SUN3: variants seen among roughly 807,000 people sequenced by gnomAD.
SUN3 encodes the protein Sad1 and UNC84 domain containing 3.
A neutral mutation model predicts 48.2 loss-of-function variants in SUN3; 36 were observed. That is an observed-to-expected ratio of 0.75 (90% CI 0.57 to 0.99). The LOEUF (loss-of-function observed/expected upper bound fraction) is 0.99. SUN3 is among the 50% of genes least tolerant of loss of function. The pLI is 0.00. For synonymous variants in SUN3, 148 were observed against 147.9 expected, an observed-to-expected ratio of 1.00 and a Z score of 0.00; for missense variants, 419 against 433.1, an observed-to-expected ratio of 0.97 and a Z score of 0.29.
At chr7:48,021,440 A>C (rs1789993129) in intron 2 of SUN3, among the ~76,000 whole-genome samples, 1 of 152,164 alleles carries the variant, frequency 6.6e-6, no homozygotes, top group Non-Finnish European at 1.5e-5. Flanking sequence ...TTCTGACAGC[A>C]AAGGATACAA....
chr7:48,007,498 T>TA (rs999105848), intron 4 of SUN3, among the ~76,000 whole-genome samples, 171 bp from the exon 5 acceptor site: 26 of 147,686 alleles, frequency 1.8e-4, no homozygotes, highest in South Asian at 2.1e-4. Flanking sequence ...CACGCTTCAC[T>TA]AAAAAAAAAA....
chr7:48,031,357 G>A (rs997233654), upstream of SUN3, among the ~76,000 whole-genome samples: 6 of 152,122 alleles, frequency 3.9e-5, no homozygotes, highest in African/African-American at 1.4e-4. Flanking sequence ...TGTTAGGATG[G>A]CTATTATAAA....
At chr7:48,023,287 A>C (rs1285737385) in intron 2 of SUN3, among the ~76,000 whole-genome samples, 2 of 152,176 alleles carry the variant, frequency 1.3e-5, no homozygotes, top group African/African-American at 2.4e-5. Context: ...AGGAGGAAAA[A>C]AAAGAGGAGC....
Position 47,988,803 on chromosome 7 carries a change from T to C in SUN3, c.939A>G (p.Gln313=). ...FIYNKTGTTV[Q]TFELQHAVSE... is the part of the protein sequence containing the mutation. The stretch of plus-strand genomic sequence containing the variant: ...CATACATTACCTGGAGTTCAAATGT[T>C]TGAACGGTGGTTCCTGTTTTGTTAT... Residue 313 remains glutamine, a synonymous_variant, in exon 9 of 10, where the codon CAA becomes CAG. Coordinates refer to ENST00000297325, the MANE Select transcript of SUN3 (RefSeq NM_001030019.2). 6.2e-7 allele frequency: 1 copy of C among 1,605,788 alleles called. No individual in the cohort carries two copies. Among genetic ancestry groups the C allele is most frequent in the Non-Finnish European group, 8.5e-7 (1 of 1,175,052 alleles).
At position 48,009,049 on chromosome 7, in the gene SUN3, T is replaced by C. The variant is rs144375175; in HGVS notation, c.315A>G (p.Gln105=). ...ATCGCACTCACTTTAAAAGTTCCAG[T>C]TGCTCTTTAGGCATACGAAGTCTGG... The part of the protein sequence containing the change: ...YQARLRMPKE[Q]LELLKKESQN... The change falls in exon 4 of 10, where the codon CAA becomes CAG. Residue 105 remains glutamine (Q), a synonymous_variant. Coordinates refer to ENST00000297325, the MANE Select transcript of SUN3 (RefSeq NM_001030019.2). The C allele has an allele frequency of 7.4e-6, 12 of 1,612,522 alleles. No individual in the cohort carries two copies. In the African/African-American group the frequency reaches 1.3e-4, roughly 18 times the overall value.
At chr7:47,989,040 G>A (rs1788977006) in intron 8 of SUN3, 160 bp from the exon 9 acceptor site, 1 of 472,632 alleles carries the variant, frequency 2.1e-6, no homozygotes, top group Admixed American at 3.8e-5. Context: ...ATTTAACAAG[G>A]GGTCAATGAG....
Position 48,017,281 on chromosome 7 carries a change from G to A in SUN3, c.269C>T (p.Ser90Leu). ...TATCACCTGATATTTATAAAGCCTT[G>A]AACCATATTCTGCAATTATGGCATA... ...QLYAIIAEYG[S>L]RLYKYQARLR... The change falls in exon 3 of 10, where the codon TCA becomes TTA. Residue 90 changes from serine to leucine, a missense_variant. Transcript: ENST00000297325. The A allele has an allele frequency of 6.3e-7, 1 of 1,592,390 alleles. No homozygotes were observed.
upstream of SUN3, among the ~76,000 whole-genome samples, chr7:48,031,646 TA>T (rs1220194619): frequency 2.0e-5 from 3 of 152,180 alleles, no homozygotes; most frequent in Admixed American, 6.5e-5. Flanking sequence ...GGAAGTGCCT[TA>T]AAAAATTAAA....
At chr7:48,007,423 A>T (rs1240070704) in intron 4 of SUN3, 96 bp from the exon 5 acceptor site, 2 of 1,135,126 alleles carry the variant, frequency 1.8e-6, no homozygotes, top group Admixed American at 2.2e-5. Context: ...GAGGTGCTTT[A>T]TATTGTTGAA....
At chr7:47,997,952 A>G (rs1789257459) in intron 6 of SUN3, among the ~76,000 whole-genome samples, 1 of 152,220 alleles carries the variant, frequency 6.6e-6, no homozygotes, top group East Asian at 1.9e-4. Context: ...TTGATATTCC[A>G]CTGTATGAAT....
chr7:47,998,515 A>G (rs1282938094), intron 6 of SUN3, among the ~76,000 whole-genome samples: 1 of 152,018 alleles, frequency 6.6e-6, no homozygotes, highest in African/African-American at 2.4e-5. Context: ...TTGTCTTTTC[A>G]TTCTCGTAAC....
At chr7:48,035,204 A>G in the SUN3 span, among the ~76,000 whole-genome samples, 1 of 152,190 alleles carries the variant, frequency 6.6e-6, no homozygotes, top group Admixed American at 6.5e-5. The surrounding 1 kb of genome is among the most constrained non-coding windows in gnomAD (Gnocchi z 4.0). Flanking sequence ...TCCCAGCCAG[A>G]GCGGCATGAG....
intron 2 of SUN3, among the ~76,000 whole-genome samples, chr7:48,022,873 T>G (rs143479540): frequency 2.6e-5 from 4 of 152,174 alleles, no homozygotes; most frequent in African/African-American, 9.6e-5. Flanking sequence ...ATGACATATT[T>G]AAAGCGTTGA....
chr7:48,020,058 A>G (rs1789949009), intron 2 of SUN3, among the ~76,000 whole-genome samples: 1 of 151,948 alleles, frequency 6.6e-6, no homozygotes, highest in Non-Finnish European at 1.5e-5. Context: ...AAAAGCCCTT[A>G]ACAAAATACC....
At chr7:48,019,977 C>CAAAAAAAAAAAAAAAAAAAAAAA (rs869166401) in intron 2 of SUN3, among the ~76,000 whole-genome samples, 2 of 64,146 alleles carry the variant, frequency 3.1e-5, no homozygotes, top group Non-Finnish European at 7.0e-5. Flanking sequence ...AAAGACACAT[C>CAAAAAAAAAAAAAAAAAAAAAAA]AAAAAAAAAA....
chr7:47,990,880 T>C (rs543195037), intron 8 of SUN3: 56 of 366,774 alleles, frequency 1.5e-4, no homozygotes, highest in African/African-American at 1.3e-3. Context: ...TGTTCTCACT[T>C]GTAAGTGGGA....
At chr7:48,011,223 G>A (rs985657951) in intron 3 of SUN3, among the ~76,000 whole-genome samples, 4 of 152,158 alleles carry the variant, frequency 2.6e-5, no homozygotes, top group African/African-American at 9.7e-5. Flanking sequence ...GACCATCAAT[G>A]TGCTATCTGG....
At chr7:48,000,232 G>C (rs538614910) in intron 6 of SUN3, 1 of 152,262 alleles carries the variant, frequency 6.6e-6, no homozygotes, top group Non-Finnish European at 1.5e-5. Flanking sequence ...CCGCATCCTG[G>C]GTTGAAGCTA....
chr7:48,020,461 G>A (rs1417673625), intron 2 of SUN3, among the ~76,000 whole-genome samples: 1 of 152,172 alleles, frequency 6.6e-6, no homozygotes, highest in South Asian at 2.1e-4. Context: ...GGAAGTCCTA[G>A]CTAGAGCAAC....
Sources: gnomAD v4.1 joint callset for allele counts (sites outside exome capture counted in the v4.1 genomes callset) on GRCh38, gnomAD v4.1.1 for gene constraint, Gnocchi (gnomAD v3.1) non-coding constraint, MANE v1.5 for transcripts, NCBI Gene and HGNC (gene_info 2026-07-23, HGNC 2026-07-21) for gene names.